The following CRTC3 variants were observed in gnomAD, a reference collection of about 807,000 sequenced individuals.
CRTC3 encodes the protein CREB-regulated transcription coactivator 3.
Under a neutral mutation model 74.5 loss-of-function variants are expected in CRTC3, and 26 were observed. The ratio of observed to expected loss-of-function variants is 0.35; its 90% CI spans 0.26 to 0.48. CRTC3 has a LOEUF of 0.48. Ranked by LOEUF, CRTC3 falls within the 20% of genes least tolerant of loss-of-function variation. The pLI, the probability that CRTC3 is intolerant of heterozygous loss-of-function variation, is 0.99. For missense variants in CRTC3, 760 were observed against 787.3 expected (o/e 0.97, Z 0.41); for synonymous variants, 377 against 325.8 (o/e 1.16, Z -1.69).
intron 7 of CRTC3, among the ~76,000 whole-genome samples, chr15:90,615,092 T>TA (rs1170678951): frequency 2.0e-5 from 3 of 151,930 alleles, no homozygotes; most frequent in African/African-American, 7.3e-5. Flanking sequence ...ATAAATAAAT[T>TA]AATTAATTGA....
At chr15:90,570,292 G>A (rs571624778) in intron 2 of CRTC3, among the ~76,000 whole-genome samples, 1 of 152,286 alleles carries the variant, frequency 6.6e-6, no homozygotes, top group South Asian at 2.1e-4. Flanking sequence ...CTGATTTCAG[G>A]TGGGTGTGAG....
chr15:90,628,302 C>CAAA (rs1158134381), intron 10 of CRTC3, among the ~76,000 whole-genome samples: 8 of 152,138 alleles, frequency 5.3e-5, no homozygotes, highest in Non-Finnish European at 1.2e-4. Context: ...TAACTTTTAT[C>CAAA]AAACACTTAA....
At chr15:90,596,618 T>C (rs935279019) in intron 3 of CRTC3, among the ~76,000 whole-genome samples, 2 of 152,202 alleles carry the variant, frequency 1.3e-5, no homozygotes, top group Admixed American at 6.5e-5. Context: ...GCCCAGTCTC[T>C]TTTGAGGAAT....
At position 90,530,711 on chromosome 15, in the gene CRTC3, C is replaced by G. The variant is rs557825797; in HGVS notation, c.132+508C>G. On this transcript the variant is annotated intron_variant, in intron 1 of 14. Transcript: ENST00000268184. The surrounding 1 kb of genome is among the most constrained non-coding windows in gnomAD (Gnocchi z 6.2). ...TCCAGGGCCCGGCCCTGGGGTGGCT[C>G]GGGTTGTTGGAACCACGACGGGATT... is the stretch of plus-strand genomic sequence containing the variant. The G allele has an allele frequency of 1.3e-5, 2 of 152,268 alleles. No homozygotes were observed. The allele number at this position is 152,268 out of a possible 1,614,324, so 9.4% of individuals were successfully genotyped here. A position where few individuals can be genotyped will look rare whatever the true frequency, so the allele number is the denominator to read the frequency against.
intron 4 of CRTC3, 26 bp downstream of exon 4, chr15:90,602,411 A>T (rs1968093420): frequency 2.5e-6 from 3 of 1,217,380 alleles, no homozygotes; most frequent in South Asian, 1.3e-5. Flanking sequence ...TTTAAAAGAT[A>T]TGATGGGCAT....
rs542182107 is a variant in CRTC3 at position 90,640,328 on chromosome 15, C to T, written c.1549-769C>T. Among the ~76,000 whole-genome samples the T allele has an allele frequency of 2.0e-5, 3 of 152,290 alleles. No homozygotes were observed. In the South Asian group the frequency reaches 6.2e-4, roughly 32 times the overall value. On this transcript the variant is annotated intron_variant, in intron 13 of 14. Transcript: ENST00000268184. Reference sequence around the variant, plus strand: ...ATAGAGGCTTTCTCATAGGGAGGAGCTTGCCTGAGTTTCCTCCTTCTGAGT... The same window carrying T: ...ATAGAGGCTTTCTCATAGGGAGGAGTTTGCCTGAGTTTCCTCCTTCTGAGT...
chr15:90,625,550 C>A (rs1418791083), intron 9 of CRTC3, among the ~76,000 whole-genome samples: 1 of 151,950 alleles, frequency 6.6e-6, no homozygotes, highest in Non-Finnish European at 1.5e-5. Context: ...TTATTCTAGA[C>A]CCTAATCTAG....
rs1004782703 is a variant in CRTC3 at position 90,642,257 on chromosome 15, C to G, written c.*117C>G. On this transcript the variant is annotated 3_prime_UTR_variant, in exon 15 of 15. Coordinates refer to ENST00000268184, the MANE Select transcript of CRTC3 (RefSeq NM_022769.5). Reference sequence around the variant, plus strand: ...ATCTTGACATAGAAGGAAGCAATGCCACGGCTCCAGGGTTTCAGATGAGAT... The same window carrying G: ...ATCTTGACATAGAAGGAAGCAATGCGACGGCTCCAGGGTTTCAGATGAGAT... 1.2e-5 allele frequency: 9 copies of G among 781,914 alleles called. No homozygotes were observed. Among genetic ancestry groups the G allele is most frequent in the Middle Eastern group, 6.0e-4 (2 of 3,320 alleles). The allele number at this position is 781,914 out of a possible 1,614,324, so 48.4% of individuals were successfully genotyped here.
Position 90,541,782 on chromosome 15 carries a change from C to CTTTTTTTTTTTTT in CRTC3, c.231+1652_231+1653insTTTTTTTTTTTTT, listed in dbSNP as rs11426969. On this transcript the variant is annotated intron_variant, in intron 2 of 14. Coordinates refer to ENST00000268184, the MANE Select transcript of CRTC3 (RefSeq NM_022769.5). ...GATAATCCTTGGCCTTCCCAGGATT[C>CTTTTTTTTTTTTT]TTTTTTTCTTTTTTTTTTTTTGAGA... 7.5e-5 allele frequency among the ~76,000 whole-genome samples: 9 copies of CTTTTTTTTTTTTT among 120,100 alleles called. 4 individuals are homozygous for CTTTTTTTTTTTTT. The highest frequency in any genetic ancestry group is 9.7e-5 in the African/African-American group (3 of 30,998). The allele number at this position is 120,100 out of a possible 152,430, so 78.8% of individuals were successfully genotyped here.
At chr15:90,597,563 C>T (rs1427433035) in intron 3 of CRTC3, among the ~76,000 whole-genome samples, 2 of 152,066 alleles carry the variant, frequency 1.3e-5, no homozygotes, top group Admixed American at 6.6e-5. Flanking sequence ...AGATGCATGG[C>T]CTATTACATT....
intron 5 of CRTC3, among the ~76,000 whole-genome samples, chr15:90,604,757 T>C (rs1056523661): frequency 2.0e-5 from 3 of 152,156 alleles, no homozygotes; most frequent in Non-Finnish European, 4.4e-5. Flanking sequence ...GTTGTGAGGG[T>C]TGAATAAGAT....
intron 3 of CRTC3, among the ~76,000 whole-genome samples, chr15:90,599,850 C>G (rs561862226): frequency 2.0e-5 from 3 of 152,144 alleles, no homozygotes; most frequent in Non-Finnish European, 4.4e-5. Context: ...TGGCAGTGTA[C>G]TGAGAAAAAT....
intron 9 of CRTC3, among the ~76,000 whole-genome samples, chr15:90,623,505 C>T (rs1416688943): frequency 2.0e-5 from 3 of 152,148 alleles, no homozygotes. Flanking sequence ...GCTAAAGGCC[C>T]CAGAGTTGTT....
intron 2 of CRTC3, among the ~76,000 whole-genome samples, chr15:90,580,562 G>T (rs1328315067): frequency 6.6e-6 from 1 of 151,850 alleles, no homozygotes; most frequent in African/African-American, 2.4e-5. Flanking sequence ...AGAGTAGTTG[G>T]GATTACAGGC....
chr15:90,629,603 CTT>C (rs1466813327), intron 11 of CRTC3, 71 bp downstream of exon 11: 3 of 1,506,818 alleles, frequency 2.0e-6, no homozygotes, highest in Admixed American at 3.5e-5. Context: ...CATTCCTCCT[CTT>C]TACTATTTTG....
At chr15:90,557,489 C>T (rs1338359207) in intron 2 of CRTC3, among the ~76,000 whole-genome samples, 2 of 152,200 alleles carry the variant, frequency 1.3e-5, no homozygotes, top group African/African-American at 4.8e-5. Context: ...CAGCCCCCAA[C>T]TAAGGTCTCA....
At chr15:90,581,112 A>C (rs907174230) in intron 2 of CRTC3, among the ~76,000 whole-genome samples, 1 of 152,006 alleles carries the variant, frequency 6.6e-6, no homozygotes, top group African/African-American at 2.4e-5. Context: ...CCATCTTCAG[A>C]GGGGTCTGGT....
intron 13 of CRTC3, 111 bp downstream of exon 13, chr15:90,638,926 T>A (rs1236236892): frequency 2.2e-6 from 2 of 913,210 alleles, no homozygotes; most frequent in African/African-American, 3.3e-5. Context: ...CTTTCCTGGT[T>A]CTGGTTGTGT....
rs367813827 is a variant in CRTC3 at position 90,628,203 on chromosome 15, C to T, written c.968-1031C>T. 8.6e-5 allele frequency among the ~76,000 whole-genome samples: 13 copies of T among 151,360 alleles called. No homozygotes were observed. The East Asian group carries it at 1.8e-3, about 21-fold the overall frequency. ...CTGCACTCCAGCCTGGGTGACAGAGCGAGACTCTGTCTCAAAAAAAATAAT... is the reference window on the plus strand; with the variant it reads ...CTGCACTCCAGCCTGGGTGACAGAGTGAGACTCTGTCTCAAAAAAAATAAT... On this transcript the variant is annotated intron_variant, in intron 10 of 14. Coordinates refer to ENST00000268184, the MANE Select transcript of CRTC3 (RefSeq NM_022769.5).
Sources: allele counts gnomAD v4.1 joint callset (sites outside exome capture counted in the v4.1 genomes callset), GRCh38; gene constraint gnomAD v4.1.1; non-coding constraint Gnocchi (gnomAD v3.1); transcripts MANE v1.5; gene names NCBI Gene and HGNC (gene_info 2026-07-23, HGNC 2026-07-21).